GOSR1: variants seen among roughly 807,000 people sequenced by gnomAD.
GOSR1 encodes the protein 28 kDa Golgi SNARE protein.
GOSR1 carries 21 observed loss-of-function variants against 35.5 expected under a neutral mutation model. The ratio of observed to expected loss-of-function variants is 0.59; its 90% CI spans 0.42 to 0.85. The LOEUF (loss-of-function observed/expected upper bound fraction) is 0.85. Among genes scored for constraint, GOSR1 ranks in the 40% least tolerant of loss-of-function variants. The pLI, the probability that GOSR1 is intolerant of heterozygous loss-of-function variation, is 0.00. For synonymous variants in GOSR1, 94 were observed against 106.6 expected (o/e 0.88, Z 0.73); for missense variants, 285 against 309.6 (o/e 0.92, Z 0.60).
intron 7 of GOSR1, among the ~76,000 whole-genome samples, chr17:30,515,693 G>A (rs1425916660): frequency 6.6e-6 from 1 of 152,088 alleles, no homozygotes; most frequent in Admixed American, 6.5e-5. Context: ...TAAAATCATT[G>A]CTTGACTCAT....
At chr17:30,480,996 A>T (rs755366893) in intron 1 of GOSR1, 147 bp from the exon 2 acceptor site, 90 of 571,658 alleles carry the variant, frequency 1.6e-4, no homozygotes, top group Non-Finnish European at 2.4e-4. Flanking sequence ...ACAGGCGTGC[A>T]CCACCGTGCC....
At chr17:30,521,294 C>T (rs539936306) in intron 8 of GOSR1, among the ~76,000 whole-genome samples, 2 of 151,426 alleles carry the variant, frequency 1.3e-5, no homozygotes, top group Admixed American at 1.3e-4. Context: ...GCAGTCCTCC[C>T]GCCTCAGCCT....
At chr17:30,491,788 C>A (rs1915060863) in intron 5 of GOSR1, among the ~76,000 whole-genome samples, 1 of 152,052 alleles carries the variant, frequency 6.6e-6, no homozygotes, top group African/African-American at 2.4e-5. Context: ...TCATAGCAAT[C>A]TTTTGGTTAA....
chr17:30,516,217 TCCC>T (rs996843031), intron 7 of GOSR1, among the ~76,000 whole-genome samples: 1 of 152,134 alleles, frequency 6.6e-6, no homozygotes, highest in Non-Finnish European at 1.5e-5. Flanking sequence ...ACGCCTGTAA[TCCC>T]AGCACTTTGG....
intron 6 of GOSR1, among the ~76,000 whole-genome samples, chr17:30,508,711 A>G (rs1484707635): frequency 1.3e-5 from 2 of 152,228 alleles, no homozygotes; most frequent in Non-Finnish European, 2.9e-5. Context: ...ATGTGTAGTT[A>G]TTGAGAAACT....
At chr17:30,503,718 A>G (rs1029454416) in intron 6 of GOSR1, among the ~76,000 whole-genome samples, 11 of 152,328 alleles carry the variant, frequency 7.2e-5, no homozygotes, top group African/African-American at 1.9e-4. Context: ...ATGCCACCAT[A>G]TAAGCTAAGG....
intron 6 of GOSR1, among the ~76,000 whole-genome samples, chr17:30,509,415 T>G (rs1229206345): frequency 6.6e-6 from 1 of 152,268 alleles, no homozygotes; most frequent in Non-Finnish European, 1.5e-5. Flanking sequence ...GGCCGGTATT[T>G]ATGACTTTTT....
At chr17:30,508,925 C>T (rs968952765) in intron 6 of GOSR1, among the ~76,000 whole-genome samples, 8 of 151,916 alleles carry the variant, frequency 5.3e-5, no homozygotes, top group African/African-American at 1.2e-4. Flanking sequence ...CTTTCACTAC[C>T]GTCTTTGTAA....
At chr17:30,493,323 A>T (rs1915163807) in intron 6 of GOSR1, among the ~76,000 whole-genome samples, 1 of 152,150 alleles carries the variant, frequency 6.6e-6, no homozygotes, top group Non-Finnish European at 1.5e-5. Flanking sequence ...CTCTACAGAG[A>T]GAGACTGAGA....
At chr17:30,498,891 A>G (rs766066620) in intron 6 of GOSR1, among the ~76,000 whole-genome samples, 8 of 152,162 alleles carry the variant, frequency 5.3e-5, no homozygotes, top group Non-Finnish European at 1.2e-4. Flanking sequence ...AAATGTATCC[A>G]TTTTAAGTTT....
intron 5 of GOSR1, among the ~76,000 whole-genome samples, chr17:30,491,786 A>G (rs988452199): frequency 1.3e-5 from 2 of 152,238 alleles, no homozygotes; most frequent in Non-Finnish European, 1.5e-5. Flanking sequence ...CCTCATAGCA[A>G]TCTTTTGGTT....
chr17:30,527,214 T>G lies in GOSR1; in HGVS notation c.*4836T>G, dbSNP rs1195507244. 2 of 152,150 alleles carry G rather than the reference T, an allele frequency of 1.3e-5. No individual in the cohort carries two copies. Among genetic ancestry groups the G allele is most frequent in the Non-Finnish European group, 2.9e-5 (2 of 68,052 alleles). 9.4% of individuals were successfully genotyped at this position (152,150 alleles called of 1,614,324 possible). On this transcript the variant is annotated 3_prime_UTR_variant, in exon 9 of 9. Transcript: ENST00000451249. ...TCTCTACAAAAACTAAAATTAGCCA[T>G]TCATGATGGTGTGCACCTATAGTCC...
rs555431487 is a variant in GOSR1 at position 30,492,249 on chromosome 17, TAGGCTTC to T, written c.435-427_435-421del. On this transcript the variant is annotated intron_variant, in intron 5 of 8. Transcript: ENST00000451249. ...TCTTTAGCTTGATTTCAGTGTTCCT[TAGGCTTC>T]AGTTGGTGGACCACATATATTATTG... is the stretch of plus-strand genomic sequence containing the variant. Among the ~76,000 whole-genome samples the T allele has an allele frequency of 1.6e-3, 245 of 152,342 alleles. No homozygotes were observed. The Middle Eastern group carries it at 0.02, about 13-fold the overall frequency.
chr17:30,496,139 G>C (rs1167538904), intron 6 of GOSR1, among the ~76,000 whole-genome samples: 2 of 152,230 alleles, frequency 1.3e-5, no homozygotes, highest in South Asian at 4.1e-4. Flanking sequence ...GTTGTTAAGG[G>C]ATGGAATATT....
At chr17:30,511,555 G>A (rs1424194520) in intron 7 of GOSR1, among the ~76,000 whole-genome samples, 1 of 149,426 alleles carries the variant, frequency 6.7e-6, no homozygotes, top group Non-Finnish European at 1.5e-5. Flanking sequence ...TTTAGATGGA[G>A]TTTCACTCTT....
intron 5 of GOSR1, 129 bp downstream of exon 5, chr17:30,490,346 C>G (rs1443332414): frequency 1.8e-6 from 1 of 565,262 alleles, no homozygotes; most frequent in Non-Finnish European, 3.3e-6. Flanking sequence ...TCCCATTTCA[C>G]TGTCTTTTTA....
At position 30,484,302 on chromosome 17, in the gene GOSR1, G is replaced by A; in HGVS notation, c.234+1G>A. On this transcript the variant is annotated splice_donor_variant, in intron 3 of 8. Transcript: ENST00000451249. LOFTEE classifies it high-confidence loss of function. ...TGAGATTGAACAACTTTTGGCAAGG[G>A]TAAGTGCTTTCTGTTAAATGGCTAT... The A allele has an allele frequency of 6.4e-7, 1 of 1,573,556 alleles. No individual in the cohort carries two copies. The highest frequency in any genetic ancestry group is 1.7e-5 in the Admixed American group (1 of 59,992).
rs148850784 is a variant in GOSR1, at chr17:30,483,483, A to G, written c.147-731A>G. The stretch of plus-strand genomic sequence containing the variant: ...CTATTGGCATATTGTTCTTTTTCAT[A>G]TATCTGGTAGAGGAGGATTTATATT... On this transcript the variant is annotated intron_variant, in intron 2 of 8. Coordinates refer to ENST00000451249, the MANE Select transcript of GOSR1 (RefSeq NM_001007025.2). Among the ~76,000 whole-genome samples the G allele has an allele frequency of 1.8e-3, 270 of 152,292 alleles. 1 individual carries two copies. The highest frequency in any genetic ancestry group is 2.4e-3 in the Non-Finnish European group (166 of 68,012).
intron 6 of GOSR1, among the ~76,000 whole-genome samples, chr17:30,494,374 T>A (rs1966913029): frequency 6.6e-6 from 1 of 152,244 alleles, no homozygotes; most frequent in Admixed American, 6.5e-5. Context: ...TCCCTGAGTC[T>A]GTCAGTCAGA....
Sources: gnomAD v4.1 joint callset for allele counts (sites outside exome capture counted in the v4.1 genomes callset) on GRCh38, gnomAD v4.1.1 for gene constraint, MANE v1.5 for transcripts, NCBI Gene and HGNC (gene_info 2026-07-23, HGNC 2026-07-21) for gene names.